USH2A: variants seen among roughly 807,000 people sequenced by gnomAD.
USH2A encodes Usher syndrome 2A (autosomal recessive, mild).
USH2A carries 443 observed loss-of-function variants against 538.9 expected under a neutral mutation model. The observed-to-expected ratio is 0.82, with a 90% CI of 0.76 to 0.89. The LOEUF is 0.89. Ranked by LOEUF, USH2A falls within the 40% of genes least tolerant of loss-of-function variation. The probability of loss-of-function intolerance (pLI) is 0.00; values close to 1 mark genes in which losing one functional copy is unlikely to be tolerated. For synonymous variants in USH2A, 2,413 were observed against 2,273.5 expected, an observed-to-expected ratio of 1.06 and a Z score of -1.75; for missense variants, 6,633 against 6,324.8, an observed-to-expected ratio of 1.05 and a Z score of -1.65.
At chr1:215,768,330 A>G (rs113062669) in intron 55 of USH2A, among the ~76,000 whole-genome samples, 1,960 of 152,344 alleles carry the variant, frequency 0.013, 43 homozygotes, top group African/African-American at 0.045. Flanking sequence ...TGTGACAGGC[A>G]CAAAGTGTGT....
chr1:215,677,862 TC>T (rs1413593322), intron 62 of USH2A, among the ~76,000 whole-genome samples: 1 of 152,170 alleles, frequency 6.6e-6, no homozygotes, highest in Admixed American at 6.5e-5. Flanking sequence ...TGAACATTTA[TC>T]CCAGCAAAGA....
intron 4 of USH2A, among the ~76,000 whole-genome samples, chr1:216,362,269 A>G (rs115997713): frequency 0.039 from 5,939 of 152,246 alleles, 176 homozygotes; most frequent in Middle Eastern, 0.11. Context: ...ATAGAGTATA[A>G]ATATGGACAC....
chr1:216,020,425 T>C (rs1289806867), intron 32 of USH2A, among the ~76,000 whole-genome samples: 1 of 152,166 alleles, frequency 6.6e-6, no homozygotes, highest in African/African-American at 2.4e-5. Context: ...ATGAAAGAAT[T>C]CTGCCTCAAG....
chr1:216,171,032 T>C (rs559124969), intron 21 of USH2A, among the ~76,000 whole-genome samples: 37 of 152,262 alleles, frequency 2.4e-4, no homozygotes, highest in Non-Finnish European at 4.0e-4. Context: ...TTTTATAACA[T>C]CTGATATGAC....
At chr1:215,750,583 T>C (rs952492372) in intron 58 of USH2A, among the ~76,000 whole-genome samples, 5 of 152,238 alleles carry the variant, frequency 3.3e-5, no homozygotes, top group Non-Finnish European at 2.9e-5. Flanking sequence ...TCATTCATAC[T>C]TCCTATATAT....
intron 61 of USH2A, among the ~76,000 whole-genome samples, chr1:215,700,166 C>T (rs1176599257): frequency 6.6e-6 from 1 of 152,164 alleles, no homozygotes; most frequent in East Asian, 1.9e-4. Flanking sequence ...CTGACCCGAT[C>T]GTGGTGGATA....
chr1:216,197,539 T>G, intron 18 of USH2A, among the ~76,000 whole-genome samples: 1 of 152,172 alleles, frequency 6.6e-6, no homozygotes, highest in East Asian at 1.9e-4. Flanking sequence ...ACAATGCGTA[T>G]TTTATTCATG....
intron 35 of USH2A, among the ~76,000 whole-genome samples, chr1:215,979,025 T>C (rs1667687422): frequency 6.6e-6 from 1 of 152,136 alleles, no homozygotes; most frequent in Non-Finnish European, 1.5e-5. Context: ...ACTGGGTAAT[T>C]TATAAAGGAA....
Position 215,640,664 on chromosome 1 carries a change from G to A in USH2A, c.14862C>T (p.Thr4954=), listed in dbSNP as rs1656648079. The change falls in exon 68 of 72, where the codon ACC becomes ACT. Residue 4954 remains threonine (T), a synonymous_variant. Transcript: ENST00000307340. The part of the protein sequence containing the change: ...LSVVCVNWSD[T]FLLNGQLKEY... ...CCTTCAGTTGGCCGTTCAGGAGGAA[G>A]GTGTCACTCCAGTTCACACACACCA... The A allele has an allele frequency of 1.2e-6, 2 of 1,613,814 alleles. No individual in the cohort carries two copies. Among genetic ancestry groups the A allele is most frequent in the Admixed American group, 1.7e-5 (1 of 59,974 alleles).
chr1:215,966,003 G>A (rs145167334), intron 36 of USH2A, among the ~76,000 whole-genome samples: 338 of 147,954 alleles, frequency 2.3e-3, no homozygotes, highest in African/African-American at 7.7e-3. Flanking sequence ...GCACACACAC[G>A]CAAAATTTTT....
At chr1:216,396,597 G>A (rs1452774317) in intron 3 of USH2A, among the ~76,000 whole-genome samples, 2 of 151,876 alleles carry the variant, frequency 1.3e-5, no homozygotes, top group East Asian at 1.9e-4. Flanking sequence ...ATCATTACAC[G>A]AACCAGTTAC....
intron 38 of USH2A, among the ~76,000 whole-genome samples, chr1:215,919,810 A>C (rs773323347): frequency 6.6e-6 from 1 of 151,964 alleles, no homozygotes; most frequent in Non-Finnish European, 1.5e-5. Flanking sequence ...TTTAGGTTTA[A>C]TTTTTTCTGA....
At chr1:215,975,810 G>T (rs1667606270) in intron 35 of USH2A, among the ~76,000 whole-genome samples, 1 of 151,832 alleles carries the variant, frequency 6.6e-6, no homozygotes. Flanking sequence ...GCTCTTTTTG[G>T]GTTCCATATG....
At chr1:215,757,731 A>C (rs1660853192) in intron 58 of USH2A, among the ~76,000 whole-genome samples, 1 of 152,196 alleles carries the variant, frequency 6.6e-6, no homozygotes, top group Non-Finnish European at 1.5e-5. Context: ...CTCAAAATAT[A>C]ATGTTGCACT....
intron 62 of USH2A, among the ~76,000 whole-genome samples, chr1:215,678,281 T>C (rs1401708090): frequency 6.6e-6 from 1 of 152,202 alleles, no homozygotes; most frequent in Non-Finnish European, 1.5e-5. Flanking sequence ...TGGAACAAAT[T>C]CTAAACTTTA....
chr1:215,710,306 A>AG (rs1659303157), intron 61 of USH2A, among the ~76,000 whole-genome samples: 1 of 152,236 alleles, frequency 6.6e-6, no homozygotes, highest in Non-Finnish European at 1.5e-5. Context: ...CAAAGCACGT[A>AG]GCCACCATCT....
intron 22 of USH2A, 62 bp from the exon 23 acceptor site, chr1:216,089,201 A>G (rs2032230449): frequency 2.6e-6 from 4 of 1,524,970 alleles, no homozygotes; most frequent in Non-Finnish European, 2.7e-6. Context: ...AAACACACAC[A>G]TATTTGTTAT....
At chr1:215,920,571 T>C (rs1221230649) in intron 38 of USH2A, among the ~76,000 whole-genome samples, 2 of 151,966 alleles carry the variant, frequency 1.3e-5, no homozygotes, top group East Asian at 1.9e-4. Flanking sequence ...TCTAAACCCA[T>C]TGAGGAAAGT....
chr1:215,719,506 T>C (rs552260970), intron 61 of USH2A, among the ~76,000 whole-genome samples: 1 of 152,304 alleles, frequency 6.6e-6, no homozygotes, highest in Non-Finnish European at 1.5e-5. Context: ...AGAATTTTAT[T>C]GCAAGGTGAG....
Sources: allele counts gnomAD v4.1 joint callset (sites outside exome capture counted in the v4.1 genomes callset), GRCh38; gene constraint gnomAD v4.1.1; transcripts MANE v1.5; gene names NCBI Gene and HGNC (gene_info 2026-07-23, HGNC 2026-07-21).